The following NEO1 variants were observed in gnomAD, a reference collection of about 807,000 sequenced individuals.
The protein encoded by NEO1 is neogenin.
A neutral mutation model predicts 159.7 loss-of-function variants in NEO1; 63 were observed. The ratio of observed to expected loss-of-function variants is 0.39; its 90% confidence interval spans 0.32 to 0.49. The LOEUF is 0.49. NEO1 is among the 20% of genes least tolerant of loss of function. NEO1 has a pLI of 0.85. For missense variants in NEO1, 1,615 were observed against 1,831.0 expected, an observed-to-expected ratio of 0.88 and a Z score of 2.15; for synonymous variants, 633 against 662.0, an observed-to-expected ratio of 0.96 and a Z score of 0.67.
intron 5 of NEO1, chr15:73,162,373 A>AT (rs1279255362): frequency 6.1e-6 from 1 of 164,918 alleles, no homozygotes; most frequent in African/African-American, 2.4e-5. Flanking sequence ...CTATTACTTT[A>AT]TTTATTTTGT....
At chr15:73,216,656 T>C (rs982615752) in intron 7 of NEO1, among the ~76,000 whole-genome samples, 1 of 152,070 alleles carries the variant, frequency 6.6e-6, no homozygotes, top group Non-Finnish European at 1.5e-5. Context: ...CTCATTGTGG[T>C]TTTGATTTGC....
intron 25 of NEO1, among the ~76,000 whole-genome samples, chr15:73,292,418 G>A (rs773691402): frequency 7.9e-4 from 120 of 152,156 alleles, no homozygotes; most frequent in Non-Finnish European, 1.3e-3. Flanking sequence ...TGCCTGTTTG[G>A]TGGGGGTAGA....
In NEO1 at chr15:73,258,820, G is replaced by C. The variant is rs761294510; in HGVS notation, c.2147G>C (p.Gly716Ala). Residue 716 changes from glycine to alanine, a missense_variant, in exon 14 of 29, where the codon GGT becomes GCT. Around this residue, in one of 3 missense-constraint regions of NEO1, gnomAD observed 1,018 missense variants for 1,115.4 expected, o/e 0.91. Transcript: ENST00000261908. ...CGAGTGGCTGCTCTAACAATCAATG[G>C]TACAGGCCCGGCAACTGACTGGCTG... ...NFRVAALTINGTGPATDWLSA... is the reference protein window; with the variant it reads ...NFRVAALTINATGPATDWLSA... 1 of 1,613,876 alleles carries C rather than the reference G, an allele frequency of 6.2e-7. No homozygotes were observed.
At chr15:73,152,189 G>A (rs2033426080) in intron 5 of NEO1, among the ~76,000 whole-genome samples, 1 of 152,136 alleles carries the variant, frequency 6.6e-6, no homozygotes, top group Non-Finnish European at 1.5e-5. Context: ...CTTATGTTGG[G>A]TATGTTAGGC....
intron 18 of NEO1, 86 bp downstream of exon 18, chr15:73,270,540 C>T (rs2041121039): frequency 7.2e-7 from 1 of 1,397,190 alleles, no homozygotes; most frequent in African/African-American, 1.4e-5. Context: ...ATTTACAAAA[C>T]ACAGTGAGCA....
chr15:73,095,691 T>A (rs2069986196), intron 1 of NEO1, among the ~76,000 whole-genome samples: 1 of 151,460 alleles, frequency 6.6e-6, no homozygotes, highest in Non-Finnish European at 1.5e-5. Flanking sequence ...TTTTTTGAGA[T>A]TAAAGTAATG....
intron 1 of NEO1, among the ~76,000 whole-genome samples, chr15:73,084,075 G>C (rs552572127): frequency 6.6e-5 from 10 of 151,756 alleles, no homozygotes; most frequent in African/African-American, 2.2e-4. Context: ...GCTAAATTGA[G>C]CTAATTAACA....
At chr15:73,135,645 A>G (rs1596105012) in intron 4 of NEO1, among the ~76,000 whole-genome samples, 1 of 152,202 alleles carries the variant, frequency 6.6e-6, no homozygotes, top group Non-Finnish European at 1.5e-5. Context: ...GGAAATAACT[A>G]GAAGTGTCAG....
intron 16 of NEO1, among the ~76,000 whole-genome samples, chr15:73,266,755 G>A (rs557696604): frequency 6.6e-6 from 1 of 152,300 alleles, no homozygotes; most frequent in Non-Finnish European, 1.5e-5. Flanking sequence ...AACAAAAAAT[G>A]TAGGTTACTG....
At chr15:73,204,112 G>T (rs1596334407) in intron 7 of NEO1, among the ~76,000 whole-genome samples, 1 of 133,416 alleles carries the variant, frequency 7.5e-6, no homozygotes, top group African/African-American at 2.5e-5. Flanking sequence ...AGAATGTAAG[G>T]TTGGTGGGTT....
At chr15:73,173,716 TG>T (rs2035111771) in intron 5 of NEO1, among the ~76,000 whole-genome samples, 1 of 152,200 alleles carries the variant, frequency 6.6e-6, no homozygotes, top group African/African-American at 2.4e-5. Flanking sequence ...AAACAAATAT[TG>T]GCAGCATGTA....
intron 1 of NEO1, among the ~76,000 whole-genome samples, chr15:73,058,147 T>TA (rs2067805568): frequency 6.6e-6 from 1 of 152,220 alleles, no homozygotes; most frequent in Non-Finnish European, 1.5e-5. Context: ...AACCATTATT[T>TA]AAAATGTGTG....
chr15:73,177,002 T>C (rs1171521567), intron 6 of NEO1, among the ~76,000 whole-genome samples: 1 of 152,198 alleles, frequency 6.6e-6, no homozygotes, highest in Non-Finnish European at 1.5e-5. Context: ...CAACTGACTA[T>C]ACAAAACTTA....
chr15:73,167,316 AC>A (rs57835920), intron 5 of NEO1, among the ~76,000 whole-genome samples: 48,491 of 151,530 alleles, frequency 0.32, 8,943 homozygotes, highest in Admixed American at 0.45. Context: ...TCTATAGGGA[AC>A]CAAACATCCC....
Position 73,266,783 on chromosome 15 carries a change from A to G in NEO1, c.2494+372A>G, listed in dbSNP as rs186742501. On this transcript the variant is annotated intron_variant, in intron 16 of 28. Transcript: ENST00000261908. ...GGTTACTGACGGTGGCAATAAATGC[A>G]TGCGATTCGTGAACCCAACATCATT... 1.8e-4 allele frequency among the ~76,000 whole-genome samples: 28 copies of G among 152,348 alleles called. 1 individual carries two copies. The Middle Eastern group carries it at 0.01, about 56-fold the overall frequency.
At chr15:73,057,595 G>A (rs1313287784) in intron 1 of NEO1, among the ~76,000 whole-genome samples, 1 of 152,174 alleles carries the variant, frequency 6.6e-6, no homozygotes, top group Non-Finnish European at 1.5e-5. Flanking sequence ...GACATAGCTA[G>A]TGAAAGATGA....
intron 26 of NEO1, among the ~76,000 whole-genome samples, chr15:73,295,490 CT>C (rs2042328684): frequency 6.6e-6 from 1 of 151,420 alleles, no homozygotes; most frequent in Non-Finnish European, 1.5e-5. Flanking sequence ...ATGGCAGCTC[CT>C]ACCCAGCCCT....
chr15:73,111,938 G>A (rs979284839), intron 1 of NEO1, among the ~76,000 whole-genome samples: 1 of 152,170 alleles, frequency 6.6e-6, no homozygotes, highest in South Asian at 2.1e-4. Context: ...CCCAGCCAAT[G>A]TAGTATTTAT....
intron 5 of NEO1, among the ~76,000 whole-genome samples, chr15:73,149,264 G>A (rs1214294329): frequency 4.6e-5 from 7 of 151,254 alleles, no homozygotes; most frequent in Non-Finnish European, 1.0e-4. Flanking sequence ...GCAGTGAGCC[G>A]AGATTGCGCC....
Sources: allele counts gnomAD v4.1 joint callset (sites outside exome capture counted in the v4.1 genomes callset), GRCh38; gene constraint gnomAD v4.1.1; regional missense constraint gnomAD v4.1.1; transcripts MANE v1.5; gene names NCBI Gene and HGNC (gene_info 2026-07-23, HGNC 2026-07-21).